The following SMARCA2 variants were observed in gnomAD, a reference collection of about 807,000 sequenced individuals.
SMARCA2 encodes SWI/SNF related BAF chromatin remodeling complex subunit ATPase 2, also known as SWI/SNF-related matrix-associated actin-dependent regulator of chromatin subfamily A member 2.
In SMARCA2, 61 loss-of-function variants were observed where a neutral mutation model predicts 199.8. That is an observed-to-expected ratio of 0.31 (90% confidence interval 0.25 to 0.38). The LOEUF (loss-of-function observed/expected upper bound fraction) is 0.38. SMARCA2 is among the 10% of genes least tolerant of loss of function. SMARCA2 has a pLI of 1.00. For synonymous variants in SMARCA2, 935 were observed against 732.0 expected (o/e 1.28, Z -4.48); for missense variants, 1,344 against 2,012.2 (o/e 0.67, Z 6.35).
intron 27 of SMARCA2, among the ~76,000 whole-genome samples, chr9:2,157,060 C>G (rs1825404430): frequency 6.6e-6 from 1 of 152,196 alleles, no homozygotes; most frequent in Non-Finnish European, 1.5e-5. Context: ...GTCTGAAATT[C>G]TGCATCCAAA....
At position 2,186,173 on chromosome 9, in the gene SMARCA2, G is replaced by A; in HGVS notation, c.4539G>A (p.Glu1513=). The change falls in exon 32 of 34, where the codon GAG becomes GAA. Residue 1513 remains glutamate, a synonymous_variant. Coordinates refer to ENST00000349721, the MANE Select transcript of SMARCA2 (RefSeq NM_003070.5). ...AAATTGCCAAAGAGGAAGAGAGTGAGGATGAAAGCAATGAAGAGGAGGAAG... is the reference window on the plus strand; with the variant it reads ...AAATTGCCAAAGAGGAAGAGAGTGAAGATGAAAGCAATGAAGAGGAGGAAG... ...RQKIAKEEES[E]DESNEEEEEE... is the part of the protein sequence containing the mutation. 2 of 1,614,050 alleles carry A rather than the reference G, an allele frequency of 1.2e-6. No individual in the cohort carries two copies.
chr9:2,061,347 A>C (rs2130365680), intron 9 of SMARCA2, among the ~76,000 whole-genome samples: 1 of 152,340 alleles, frequency 6.6e-6, no homozygotes, highest in Non-Finnish European at 1.5e-5. Context: ...ATTAAGAATG[A>C]AATTTAAGAA....
At chr9:2,060,118 C>CGTATCATT in intron 8 of SMARCA2, among the ~76,000 whole-genome samples, 1 of 62,384 alleles carries the variant, frequency 1.6e-5, no homozygotes, top group Non-Finnish European at 3.4e-5. Flanking sequence ...GATCTGTGGC[C>CGTATCATT]AAAAAAAAAA....
chr9:2,147,854 A>G (rs1039239283), intron 27 of SMARCA2, among the ~76,000 whole-genome samples: 3 of 151,328 alleles, frequency 2.0e-5, no homozygotes, highest in Non-Finnish European at 4.4e-5. Flanking sequence ...TCTCAAAAAA[A>G]AAAAGTAGGG....
At chr9:2,156,044 G>A (rs976878804) in intron 27 of SMARCA2, among the ~76,000 whole-genome samples, 1 of 152,016 alleles carries the variant, frequency 6.6e-6, no homozygotes, top group African/African-American at 2.4e-5. Flanking sequence ...CTTGAATATG[G>A]GAAGCATTTG....
At chr9:2,103,642 ACGTG>A (rs932780551) in intron 22 of SMARCA2, among the ~76,000 whole-genome samples, 1 of 133,634 alleles carries the variant, frequency 7.5e-6, no homozygotes, top group African/African-American at 3.4e-5. Context: ...GTGTGTGTGT[ACGTG>A]TGTGTGTGTG....
intron 2 of SMARCA2, 49 bp downstream of exon 2, chr9:2,029,296 C>T (rs766732683): frequency 3.8e-6 from 6 of 1,563,676 alleles, no homozygotes; most frequent in East Asian, 2.4e-5. Flanking sequence ...AAGTGGATGG[C>T]TAATATTTCT....
At position 2,161,942 on chromosome 9, in the gene SMARCA2, A is replaced by G. The variant is rs923668079; in HGVS notation, c.4199+39A>G. On this transcript the variant is annotated intron_variant, in intron 28 of 33. Coordinates refer to ENST00000349721, the MANE Select transcript of SMARCA2 (RefSeq NM_003070.5). This position sits in a 1 kb window ranked among gnomAD's most constrained non-coding sequence, Gnocchi z 4.7. ...TCCTTCACCTTGATCATCTCTCACC[A>G]AGACGCCGAGTGGCGCTCCCTGAGG... is the stretch of plus-strand genomic sequence containing the variant. The G allele has an allele frequency of 7.7e-6, 12 of 1,556,176 alleles. No individual in the cohort carries two copies. The highest frequency in any genetic ancestry group is 1.1e-5 in the Non-Finnish European group (12 of 1,131,268).
In SMARCA2 at chr9:2,169,413, C is replaced by T. The variant is rs531083109; in HGVS notation, c.4200-1006C>T. 1.3e-5 allele frequency among the ~76,000 whole-genome samples: 2 copies of T among 151,662 alleles called. No individual in the cohort carries two copies. Among genetic ancestry groups the T allele is most frequent in the Non-Finnish European group, 2.9e-5 (2 of 68,032 alleles). On this transcript the variant is annotated intron_variant, in intron 28 of 33. Coordinates refer to ENST00000349721, the MANE Select transcript of SMARCA2 (RefSeq NM_003070.5). This position sits in a 1 kb window ranked among gnomAD's most constrained non-coding sequence, Gnocchi z 6.5. ...TCCACAGTCTGAACCTTCGGATCTTCCCAACTTTTTTTTTCCAACGCACCC... is the reference window on the plus strand; with the variant it reads ...TCCACAGTCTGAACCTTCGGATCTTTCCAACTTTTTTTTTCCAACGCACCC...
In SMARCA2 at chr9:2,070,520, G is replaced by A. The variant is rs374162370; in HGVS notation, c.1746+49G>A. 5.8e-6 allele frequency: 8 copies of A among 1,377,024 alleles called. No individual in the cohort carries two copies. In the East Asian group the frequency reaches 6.9e-5, roughly 12 times the overall value. The allele number at this position is 1,377,024 out of a possible 1,614,324, so 85.3% of individuals were successfully genotyped here. A position where few individuals can be genotyped will look rare whatever the true frequency, so the allele number is the denominator to read the frequency against. On this transcript the variant is annotated intron_variant, in intron 10 of 33. Coordinates refer to ENST00000349721, the MANE Select transcript of SMARCA2 (RefSeq NM_003070.5). ...CTGTGTTCTGCTGAATGGAGTCTGTGCCATACCTGGCAGCACCATTCTTCA... is the reference window on the plus strand; with the variant it reads ...CTGTGTTCTGCTGAATGGAGTCTGTACCATACCTGGCAGCACCATTCTTCA...
chr9:2,147,201 C>A, intron 27 of SMARCA2, among the ~76,000 whole-genome samples: 1 of 138,318 alleles, frequency 7.2e-6, no homozygotes, highest in African/African-American at 2.7e-5. Context: ...CAGAATCGAG[C>A]TATTAAGTAT....
rs369031292 is a variant in SMARCA2, at chr9:2,127,623, A to G, written c.3981+3686A>G. Among the ~76,000 whole-genome samples, 13 of 152,298 alleles carry G rather than the reference A, an allele frequency of 8.5e-5. No homozygotes were observed. In the South Asian group the frequency reaches 2.7e-3, roughly 32 times the overall value. On this transcript the variant is annotated intron_variant, in intron 27 of 33. Transcript: ENST00000349721. ...TGGAAGTCTAATGGGCCCTGCCTAA[A>G]TGGTTATAATTCCATTGGCTAGAAC...
intron 9 of SMARCA2, chr9:2,068,945 C>G (rs1820962942): frequency 6.6e-6 from 1 of 151,336 alleles, no homozygotes; most frequent in South Asian, 2.1e-4. Flanking sequence ...GAGACACAGT[C>G]TCTCTCTGTC....
chr9:2,077,194 C>T (rs556197188), intron 13 of SMARCA2, among the ~76,000 whole-genome samples: 5 of 152,254 alleles, frequency 3.3e-5, no homozygotes, highest in African/African-American at 9.6e-5. Flanking sequence ...TTGCCCTCTC[C>T]CCCTGCCCTC....
chr9:2,023,213 A>G (rs569310751), intron 1 of SMARCA2, among the ~76,000 whole-genome samples: 1 of 152,152 alleles, frequency 6.6e-6, no homozygotes, highest in African/African-American at 2.4e-5. Context: ...GCTGCTGCCG[A>G]GTTTGTTGTT....
At chr9:2,138,482 T>C (rs1824313139) in intron 27 of SMARCA2, among the ~76,000 whole-genome samples, 1 of 152,238 alleles carries the variant, frequency 6.6e-6, no homozygotes, top group Non-Finnish European at 1.5e-5. Context: ...TTTTGAAGAA[T>C]ATCTTTCCCT....
intron 27 of SMARCA2, among the ~76,000 whole-genome samples, chr9:2,155,157 C>A (rs1012578273): frequency 6.6e-5 from 10 of 152,134 alleles, no homozygotes; most frequent in African/African-American, 2.2e-4. Flanking sequence ...TTTTGTGGGC[C>A]AACCTCCACT....
rs916664554 is a variant in SMARCA2, at chr9:2,161,247, G to C, written c.3982-439G>C. 3.3e-5 allele frequency among the ~76,000 whole-genome samples: 5 copies of C among 152,146 alleles called. No individual in the cohort carries two copies. Among genetic ancestry groups the C allele is most frequent in the Admixed American group, 1.3e-4 (2 of 15,280 alleles). ...CTGAAGAAAAGGTCAAAGCTTATAT[G>C]ATCGTGTGGATGTATTCTTAGGGAT... is the stretch of plus-strand genomic sequence containing the variant. On this transcript the variant is annotated intron_variant, in intron 27 of 33. Transcript: ENST00000349721. This position sits in a 1 kb window ranked among gnomAD's most constrained non-coding sequence, Gnocchi z 4.7.
chr9:2,047,687 T>A (rs556278359), intron 5 of SMARCA2: 116 of 414,208 alleles, frequency 2.8e-4, no homozygotes, highest in Non-Finnish European at 3.0e-4. Context: ...GACGGGGACT[T>A]CCTGTGGACC....
Sources: gnomAD v4.1 joint callset for allele counts (sites outside exome capture counted in the v4.1 genomes callset) on GRCh38, gnomAD v4.1.1 for gene constraint, Gnocchi (gnomAD v3.1) non-coding constraint, MANE v1.5 for transcripts, NCBI Gene and HGNC (gene_info 2026-07-23, HGNC 2026-07-21) for gene names.